The following MKLN1 variants were observed in gnomAD, a reference collection of about 807,000 sequenced individuals.
MKLN1 encodes muskelin 1.
A neutral mutation model predicts 99.0 loss-of-function variants in MKLN1; 18 were observed. The observed-to-expected ratio is 0.18, with a 90% CI of 0.13 to 0.27. The LOEUF (loss-of-function observed/expected upper bound fraction) is 0.27, where lower values mean the gene tolerates loss of function less well. Among genes scored for constraint, MKLN1 ranks in the 10% least tolerant of loss-of-function variants. The probability of loss-of-function intolerance (pLI) is 1.00; values close to 1 mark genes in which losing one functional copy is unlikely to be tolerated. For missense variants in MKLN1, 621 were observed against 875.9 expected, an observed-to-expected ratio of 0.71 and a Z score of 3.67; for synonymous variants, 288 against 293.2, an observed-to-expected ratio of 0.98 and a Z score of 0.18.
chr7:131,430,624 G>C (rs933505305), intron 9 of MKLN1, among the ~76,000 whole-genome samples: 2 of 152,074 alleles, frequency 1.3e-5, no homozygotes, highest in South Asian at 4.2e-4. Context: ...CAAGTGCCTG[G>C]CATGATCCAA....
upstream of MKLN1, chr7:131,323,640 T>A (rs1220368748): frequency 6.6e-6 from 1 of 152,176 alleles, no homozygotes; most frequent in East Asian, 1.9e-4. Flanking sequence ...AAAAAGAGTG[T>A]TCAGGTTTTG....
intron 3 of MKLN1, among the ~76,000 whole-genome samples, chr7:131,204,912 C>T (rs750004689): frequency 1.3e-4 from 19 of 141,370 alleles, no homozygotes; most frequent in Non-Finnish European, 2.2e-4. Flanking sequence ...CTAGCCTAGG[C>T]GACAGAGCAA....
intron 3 of MKLN1, among the ~76,000 whole-genome samples, chr7:131,232,267 A>G (rs909644977): frequency 6.6e-6 from 1 of 152,218 alleles, no homozygotes; most frequent in Non-Finnish European, 1.5e-5. Context: ...TAAAGATGTC[A>G]GAACAAAAAA....
chr7:131,279,012 A>G (rs2129561), intron 3 of MKLN1, among the ~76,000 whole-genome samples: 70,250 of 152,120 alleles, frequency 0.46, 19,496 homozygotes, highest in Admixed American at 0.63. Flanking sequence ...ATTGAGAGAG[A>G]TTAAGTGAAA....
intron 1 of MKLN1, among the ~76,000 whole-genome samples, chr7:131,142,296 A>G (rs1216129430): frequency 6.6e-6 from 1 of 152,074 alleles, no homozygotes; most frequent in African/African-American, 2.4e-5. Flanking sequence ...CTGTAATTCC[A>G]GCTACTCGGG....
intron 2 of MKLN1, among the ~76,000 whole-genome samples, chr7:131,189,381 C>T (rs902589492): frequency 8.6e-5 from 13 of 152,038 alleles, no homozygotes; most frequent in African/African-American, 2.7e-4. Context: ...AATGATGTTA[C>T]GTATAAATAG....
chr7:131,359,996 G>A (rs1416500210), intron 1 of MKLN1, among the ~76,000 whole-genome samples: 2 of 151,964 alleles, frequency 1.3e-5, no homozygotes, highest in African/African-American at 2.4e-5. Context: ...TGATCCACCC[G>A]CCTCGGCCTC....
At chr7:131,155,025 C>T (rs1450475503) in intron 2 of MKLN1, among the ~76,000 whole-genome samples, 1 of 152,132 alleles carries the variant, frequency 6.6e-6, no homozygotes, top group Admixed American at 6.5e-5. Context: ...CAATCTATGT[C>T]AGGTAGAACT....
At chr7:131,386,969 T>G (rs780432064) in intron 2 of MKLN1, 151 bp from the exon 3 acceptor site, 11 of 554,576 alleles carry the variant, frequency 2.0e-5, no homozygotes, top group Non-Finnish European at 2.9e-5. Flanking sequence ...AAGGCTGTTA[T>G]GTACTATTCT....
intron 1 of MKLN1, among the ~76,000 whole-genome samples, chr7:131,119,721 T>TG (rs1795332601): frequency 6.6e-6 from 1 of 152,192 alleles, no homozygotes; most frequent in Non-Finnish European, 1.5e-5. Context: ...CCACCAAAAC[T>TG]TGGGGCTTAC....
chr7:131,421,539 G>A (rs939487534), intron 8 of MKLN1, among the ~76,000 whole-genome samples: 1 of 152,124 alleles, frequency 6.6e-6, no homozygotes, highest in African/African-American at 2.4e-5. Flanking sequence ...TGAATGAATT[G>A]TATTGATTAA....
chr7:131,397,524 C>T, intron 5 of MKLN1, 148 bp downstream of exon 5: 1 of 545,864 alleles, frequency 1.8e-6, no homozygotes, highest in Non-Finnish European at 3.2e-6. Flanking sequence ...AGTCTGCCAG[C>T]TTTTAAGGAA....
chr7:131,208,642 T>C lies in MKLN1; in HGVS notation c.-179+5668T>C, dbSNP rs560540365. Among the ~76,000 whole-genome samples the C allele has an allele frequency of 1.4e-4, 22 of 152,280 alleles. No individual in the cohort carries two copies. The South Asian group carries it at 4.1e-3, about 29-fold the overall frequency. ...AAGGATACTGGTAATATGTTACAGA[T>C]ATTACTTTTATTCTTAATACTTCTA... On this transcript the variant is annotated intron_variant, in intron 3 of 7. Coordinates refer to the MKLN1 transcript ENST00000416992.
intron 2 of MKLN1, among the ~76,000 whole-genome samples, chr7:131,175,396 T>C (rs1481279993): frequency 6.6e-6 from 1 of 152,188 alleles, no homozygotes; most frequent in Non-Finnish European, 1.5e-5. Flanking sequence ...GTTAGTCAGG[T>C]CATTCTAAGT....
chr7:131,127,591 G>T (rs1795484113), intron 1 of MKLN1, among the ~76,000 whole-genome samples: 1 of 152,210 alleles, frequency 6.6e-6, no homozygotes, highest in Non-Finnish European at 1.5e-5. Flanking sequence ...GATGCAAGAA[G>T]GAATAAAAGA....
intron 3 of MKLN1, among the ~76,000 whole-genome samples, chr7:131,264,024 G>T (rs1331958462): frequency 2.0e-5 from 3 of 152,154 alleles, no homozygotes; most frequent in Non-Finnish European, 2.9e-5. Context: ...GTAGACACAG[G>T]AGTTCAAGTT....
At chr7:131,261,528 CT>C (rs1797731077) in intron 3 of MKLN1, among the ~76,000 whole-genome samples, 1 of 152,202 alleles carries the variant, frequency 6.6e-6, no homozygotes, top group South Asian at 2.1e-4. Flanking sequence ...AAAGGCAACA[CT>C]TATACATTGG....
intron 3 of MKLN1, among the ~76,000 whole-genome samples, chr7:131,227,370 CTTTTTCTTTCTTT>C (rs1025554119): frequency 1.3e-5 from 2 of 149,420 alleles, no homozygotes; most frequent in African/African-American, 2.5e-5. Context: ...CTCTTTCTTT[CTTTTTCTTTCTTT>C]TTTTTCTTTC....
rs35412933 is a variant in MKLN1 at position 131,178,279 on chromosome 7, C to CTTTTTTTTTTT, written c.-296-24559_-296-24549dup. On this transcript the variant is annotated intron_variant, in intron 2 of 7. Transcript: ENST00000416992. ...TTACAGGCGCCTGCCACATGCCCGG[C>CTTTTTTTTTTT]TTTTTTTTTTTTTTTTTTTTTTTTT... Among the ~76,000 whole-genome samples the CTTTTTTTTTTT allele has an allele frequency of 1.2e-4, 9 of 72,556 alleles. 1 individual carries two copies. The highest frequency in any genetic ancestry group is 3.6e-4 in the East Asian group (1 of 2,788). 47.6% of individuals were successfully genotyped at this position (72,556 alleles called of 152,430 possible). A position where few individuals can be genotyped will look rare whatever the true frequency, so the allele number is the denominator to read the frequency against.
Sources: allele counts gnomAD v4.1 joint callset (sites outside exome capture counted in the v4.1 genomes callset), GRCh38; gene constraint gnomAD v4.1.1; transcripts MANE v1.5; gene names NCBI Gene and HGNC (gene_info 2026-07-23, HGNC 2026-07-21).